MBOAT2: variants seen among roughly 807,000 people sequenced by gnomAD.
MBOAT2 encodes the protein membrane-bound glycerophospholipid O-acyltransferase 2.
A neutral mutation model predicts 63.4 loss-of-function variants in MBOAT2; 28 were observed. The ratio of observed to expected loss-of-function variants is 0.44; its 90% CI spans 0.33 to 0.61. The LOEUF (loss-of-function observed/expected upper bound fraction) is 0.61. Ranked by LOEUF, MBOAT2 falls within the 20% of genes least tolerant of loss-of-function variation. The pLI is 0.03. For synonymous variants in MBOAT2, 211 were observed against 215.6 expected, an observed-to-expected ratio of 0.98 and a Z score of 0.19; for missense variants, 470 against 605.8, an observed-to-expected ratio of 0.78 and a Z score of 2.35.
intron 1 of MBOAT2, among the ~76,000 whole-genome samples, chr2:8,978,312 A>G (rs891947499): frequency 1.3e-5 from 2 of 152,110 alleles, no homozygotes; most frequent in Non-Finnish European, 2.9e-5. Flanking sequence ...CACAACTCAA[A>G]TAACATCTTC....
chr2:8,855,440 C>T lies in MBOAT2; in HGVS notation c.*3239G>A, dbSNP rs1661019478. 1 of 152,186 alleles carries T rather than the reference C, an allele frequency of 6.6e-6. No homozygotes were observed. Among genetic ancestry groups the T allele is most frequent in the Non-Finnish European group, 1.5e-5 (1 of 68,036 alleles). The allele number at this position is 152,186 out of a possible 1,614,324, so 9.4% of individuals were successfully genotyped here. A position where few individuals can be genotyped will look rare whatever the true frequency, so the allele number is the denominator to read the frequency against. On this transcript the variant is annotated 3_prime_UTR_variant, in exon 13 of 13. Transcript: ENST00000305997. ...AGTTACTGTCACTTTCTAGAAACCT[C>T]CTTTTTACTGCACATTTTTCTCAAA...
At chr2:8,994,982 G>A (rs574089562) in intron 1 of MBOAT2, among the ~76,000 whole-genome samples, 2 of 152,332 alleles carry the variant, frequency 1.3e-5, no homozygotes, top group African/African-American at 4.8e-5. Flanking sequence ...ATTCCAGCTC[G>A]CCACATACGT....
At chr2:8,949,411 G>A (rs1301094200) in intron 2 of MBOAT2, among the ~76,000 whole-genome samples, 1 of 148,728 alleles carries the variant, frequency 6.7e-6, no homozygotes, top group Non-Finnish European at 1.5e-5. Context: ...CTTTCCCAAG[G>A]TCAATGCCCA....
intron 3 of MBOAT2, among the ~76,000 whole-genome samples, chr2:8,936,178 G>A (rs1057063613): frequency 1.3e-4 from 20 of 152,154 alleles, no homozygotes; most frequent in Non-Finnish European, 1.5e-5. Context: ...ACGGGACAGA[G>A]TCTGTCTTTT....
At chr2:8,943,617 C>T (rs371321258) in intron 2 of MBOAT2, among the ~76,000 whole-genome samples, 9 of 152,288 alleles carry the variant, frequency 5.9e-5, no homozygotes, top group African/African-American at 1.9e-4. Flanking sequence ...ATTTCAGGAT[C>T]GTCCTGACAG....
intron 5 of MBOAT2, among the ~76,000 whole-genome samples, chr2:8,883,305 C>T (rs1257776661): frequency 6.6e-6 from 1 of 152,056 alleles, no homozygotes. Context: ...TCGTAGAATA[C>T]ATGTAGCCAA....
intron 4 of MBOAT2, among the ~76,000 whole-genome samples, chr2:8,894,278 T>A (rs895505585): frequency 1.1e-4 from 17 of 151,964 alleles, no homozygotes; most frequent in African/African-American, 4.1e-4. Flanking sequence ...TTCGGTAGGG[T>A]GGGGAACAGA....
At position 9,003,527 on chromosome 2, in the gene MBOAT2, C is replaced by T. The variant is rs774264719; in HGVS notation, c.75+13G>A. The T allele has an allele frequency of 2.3e-5, 27 of 1,195,052 alleles. No individual in the cohort carries two copies. The highest frequency in any genetic ancestry group is 3.6e-5 in the South Asian group (1 of 27,946). 74.0% of individuals were successfully genotyped at this position (1,195,052 alleles called of 1,614,324 possible). A position where few individuals can be genotyped will look rare whatever the true frequency, so the allele number is the denominator to read the frequency against. ...GAGGGCGCGACGCCCGGCGCCAGGG[C>T]GCCTCGGGGTACCTGGTCGATGGGC... On this transcript the variant is annotated intron_variant, in intron 1 of 12. Transcript: ENST00000305997. The surrounding 1 kb of genome is among the most constrained non-coding windows in gnomAD (Gnocchi z 5.4).
At chr2:8,903,051 T>C (rs1487283312) in intron 4 of MBOAT2, among the ~76,000 whole-genome samples, 1 of 152,182 alleles carries the variant, frequency 6.6e-6, no homozygotes, top group Non-Finnish European at 1.5e-5. Flanking sequence ...TGCTGATTGG[T>C]GCATTTACAA....
intron 2 of MBOAT2, among the ~76,000 whole-genome samples, chr2:8,957,297 G>A (rs1669297924): frequency 1.3e-5 from 2 of 152,040 alleles, no homozygotes; most frequent in African/African-American, 4.8e-5. Context: ...TATCACCTGA[G>A]AAACCTTAAA....
At chr2:8,911,065 G>A (rs1364317443) in intron 3 of MBOAT2, among the ~76,000 whole-genome samples, 1 of 152,128 alleles carries the variant, frequency 6.6e-6, no homozygotes, top group Admixed American at 6.5e-5. Flanking sequence ...AATCACCATG[G>A]ACTAGGGACT....
intron 1 of MBOAT2, among the ~76,000 whole-genome samples, chr2:8,981,097 A>G (rs1225287700): frequency 6.6e-6 from 1 of 152,204 alleles, no homozygotes; most frequent in Non-Finnish European, 1.5e-5. Flanking sequence ...AAAAGACCAC[A>G]TATTGTATGA....
In MBOAT2 at chr2:8,858,623, T is replaced by C. The variant is rs1661271975; in HGVS notation, c.*56A>G. 36 of 1,332,512 alleles carry C rather than the reference T, an allele frequency of 2.7e-5. 1 individual carries two copies. In the South Asian group the frequency reaches 4.3e-4, roughly 16 times the overall value. The allele number at this position is 1,332,512 out of a possible 1,614,324, so 82.5% of individuals were successfully genotyped here. A position where few individuals can be genotyped will look rare whatever the true frequency, so the allele number is the denominator to read the frequency against. ...AAACTCAAACCCCTTGAAAAGGTGC[T>C]AAGATTGGTTTCTGTTAACATCAAA... On this transcript the variant is annotated 3_prime_UTR_variant, in exon 13 of 13. Coordinates refer to ENST00000305997, the MANE Select transcript of MBOAT2 (RefSeq NM_138799.4).
intron 3 of MBOAT2, among the ~76,000 whole-genome samples, chr2:8,923,857 G>A (rs139292354): frequency 5.3e-5 from 8 of 152,128 alleles, no homozygotes; most frequent in South Asian, 2.1e-4. Context: ...TTGTACAGCC[G>A]TTTCAGGGGG....
intron 1 of MBOAT2, among the ~76,000 whole-genome samples, chr2:8,985,847 TAA>T (rs1368133868): frequency 6.6e-6 from 1 of 152,082 alleles, no homozygotes; most frequent in East Asian, 1.9e-4. Context: ...TCTTCAGAGG[TAA>T]ACCAGAGTAG....
In MBOAT2 at chr2:8,864,237, G is replaced by A; in HGVS notation, c.988-3C>T. On this transcript the variant is annotated splice_region_variant and splice_polypyrimidine_tract_variant and intron_variant, in intron 9 of 12. Coordinates refer to ENST00000305997, the MANE Select transcript of MBOAT2 (RefSeq NM_138799.4). Reference sequence around the variant, plus strand: ...AACATCTTGAAACTTGTTGACATCTGAAAAAAAAGGAAACTTTTTTCTTTG... The same window carrying A: ...AACATCTTGAAACTTGTTGACATCTAAAAAAAAAGGAAACTTTTTTCTTTG... The A allele has an allele frequency of 1.3e-6, 2 of 1,533,038 alleles. No individual in the cohort carries two copies. Among genetic ancestry groups the A allele is most frequent in the South Asian group, 1.3e-5 (1 of 77,860 alleles). 95.0% of individuals were successfully genotyped at this position (1,533,038 alleles called of 1,614,324 possible). A position where few individuals can be genotyped will look rare whatever the true frequency, so the allele number is the denominator to read the frequency against.
intron 9 of MBOAT2, among the ~76,000 whole-genome samples, chr2:8,865,192 C>G (rs1404789374): frequency 1.3e-5 from 2 of 152,150 alleles, no homozygotes; most frequent in African/African-American, 2.4e-5. Flanking sequence ...TTGAAATTTT[C>G]TTTTCTCTTT....
At chr2:8,992,919 T>C (rs1672018691) in intron 1 of MBOAT2, among the ~76,000 whole-genome samples, 2 of 152,198 alleles carry the variant, frequency 1.3e-5, no homozygotes, top group Admixed American at 1.3e-4. Flanking sequence ...TGTCAATGAT[T>C]CATCTGCTGC....
In MBOAT2 at chr2:8,858,923, A is replaced by C. The variant is rs201374514; in HGVS notation, c.1338-19T>G. The C allele has an allele frequency of 6.4e-7, 1 of 1,551,080 alleles. No homozygotes were observed. The highest frequency in any genetic ancestry group is 8.8e-7 in the Non-Finnish European group (1 of 1,140,086). ...CCAGGAGCTAAAAGAAAAAGGGAAA[A>C]AGTTTATTAAAACTTGATAATTAAT... On this transcript the variant is annotated intron_variant, in intron 12 of 12. Transcript: ENST00000305997.
Sources: allele counts gnomAD v4.1 joint callset (sites outside exome capture counted in the v4.1 genomes callset), GRCh38; gene constraint gnomAD v4.1.1; non-coding constraint Gnocchi (gnomAD v3.1); transcripts MANE v1.5; gene names NCBI Gene and HGNC (gene_info 2026-07-23, HGNC 2026-07-21).